Variants in DNAH3 observed in about 807,000 individuals in gnomAD.
DNAH3 encodes dynein axonemal heavy chain 3, also known as axonemal beta dynein heavy chain 3.
A neutral mutation model predicts 432.5 loss-of-function variants in DNAH3; 332 were observed. The observed-to-expected ratio is 0.77, with a 90% CI of 0.70 to 0.84. The LOEUF is 0.84. DNAH3 is among the 40% of genes least tolerant of loss of function. DNAH3 has a pLI of 0.00. For synonymous variants in DNAH3, 1,956 were observed against 1,900.2 expected, an observed-to-expected ratio of 1.03 and a Z score of -0.76; for missense variants, 4,861 against 5,114.0, an observed-to-expected ratio of 0.95 and a Z score of 1.51.
chr16:20,972,088 T>C (rs1002953330), intron 51 of DNAH3, among the ~76,000 whole-genome samples: 2 of 152,156 alleles, frequency 1.3e-5, no homozygotes, highest in African/African-American at 2.4e-5. Context: ...CTTTGGTGAA[T>C]TGGAACACAC....
intron 41 of DNAH3, among the ~76,000 whole-genome samples, chr16:21,010,511 T>A (rs529292089): frequency 6.6e-6 from 1 of 152,280 alleles, no homozygotes; most frequent in East Asian, 1.9e-4. Context: ...TGTCAAACAA[T>A]GTGAGCCCAA....
rs758535427 is a variant in DNAH3 at position 20,941,562 on chromosome 16, G to A, written c.11512-19C>T. 3 of 1,613,454 alleles carry A rather than the reference G, an allele frequency of 1.9e-6. No individual in the cohort carries two copies. Among genetic ancestry groups the A allele is most frequent in the African/African-American group, 2.7e-5 (2 of 75,052 alleles). ...CCACTTCCTTAAAATGCAGGCAGAA[G>A]AGAGGTGAGTGAGAAGCAAGCCCTA... On this transcript the variant is annotated intron_variant, in intron 58 of 61. Transcript: ENST00000261383.
chr16:21,045,529 A>G (rs2152737998), intron 31 of DNAH3, among the ~76,000 whole-genome samples: 1 of 149,230 alleles, frequency 6.7e-6, no homozygotes, highest in South Asian at 2.2e-4. Context: ...TATCCCCTTT[A>G]TCATTTTTTA....
chr16:20,952,631 A>G, intron 55 of DNAH3, 82 bp from the exon 56 acceptor site: 1 of 858,010 alleles, frequency 1.2e-6, no homozygotes, highest in South Asian at 1.4e-5. Flanking sequence ...GGAGTTAAGC[A>G]TCATTATGGA....
At position 20,970,002 on chromosome 16, in the gene DNAH3, A is replaced by G. The variant is rs756932906; in HGVS notation, c.8260-12T>C. 1.4e-5 allele frequency: 23 copies of G among 1,613,308 alleles called. No individual in the cohort carries two copies. The highest frequency in any genetic ancestry group is 1.9e-5 in the Non-Finnish European group (23 of 1,179,968). On this transcript the variant is annotated splice_polypyrimidine_tract_variant and intron_variant, in intron 51 of 61. Transcript: ENST00000261383. Reference sequence around the variant, plus strand: ...CCCTCACATTCGTTCTGTGGGCGGCATGAGGACAAAGGAGATGAGTGCCCA... The same window carrying G: ...CCCTCACATTCGTTCTGTGGGCGGCGTGAGGACAAAGGAGATGAGTGCCCA...
At chr16:21,136,173 G>T in intron 6 of DNAH3, 151 bp downstream of exon 7, 1 of 690,816 alleles carries the variant, frequency 1.4e-6, no homozygotes, top group Non-Finnish European at 2.4e-6. Context: ...TAGCACTTTG[G>T]GAGGCTAAGG....
At chr16:21,016,926 C>G (rs1011085211) in intron 41 of DNAH3, among the ~76,000 whole-genome samples, 17 of 152,192 alleles carry the variant, frequency 1.1e-4, no homozygotes, top group Middle Eastern at 6.8e-3. Context: ...CTGTATGATT[C>G]CTCTTACATG....
At chr16:21,090,772 T>C (rs2091509293) in intron 18 of DNAH3, among the ~76,000 whole-genome samples, 1 of 152,124 alleles carries the variant, frequency 6.6e-6, no homozygotes, top group Non-Finnish European at 1.5e-5. Context: ...AGGAAAGATG[T>C]TGATGAAGGG....
At chr16:21,065,989 G>A (rs560175438) in intron 24 of DNAH3, among the ~76,000 whole-genome samples, 53 of 151,960 alleles carry the variant, frequency 3.5e-4, no homozygotes, top group African/African-American at 1.3e-3. Flanking sequence ...ACCACACCTG[G>A]CTAATTTTTG....
chr16:20,981,671 G>A (rs2085904068), intron 49 of DNAH3, among the ~76,000 whole-genome samples: 1 of 152,080 alleles, frequency 6.6e-6, no homozygotes, highest in Admixed American at 6.6e-5. Flanking sequence ...GTTGCTGTGA[G>A]CCGAGATCGC....
Position 20,933,947 on chromosome 16 carries a change from T to C in DNAH3, c.11998-440A>G, listed in dbSNP as rs74773668. On this transcript the variant is annotated intron_variant, in intron 61 of 61. Coordinates refer to ENST00000261383, the Ensembl canonical transcript of DNAH3. ...GTATAAAGACTTCCACCATGGTCAA[T>C]TTCAGCCTACCAACTATTTAACAAC... Among the ~76,000 whole-genome samples the C allele has an allele frequency of 4.8e-3, 730 of 152,310 alleles. 5 individuals carry two copies. Among genetic ancestry groups the C allele is most frequent in the Non-Finnish European group, 5.9e-3 (401 of 68,016 alleles).
At chr16:21,120,891 T>C (rs1431365257) in intron 10 of DNAH3, 1 of 1,467,500 alleles carries the variant, frequency 6.8e-7, no homozygotes, top group Non-Finnish European at 9.5e-7. Context: ...TACAGGGTCT[T>C]TTCTTCCATT....
chr16:21,158,442 C>G (rs2092914468), intron 1 of DNAH3: 1 of 152,426 alleles, frequency 6.6e-6, no homozygotes, highest in African/African-American at 2.4e-5. Flanking sequence ...ACTCTCTGAG[C>G]CTCAGTTTCC....
At position 21,027,250 on chromosome 16, in the gene DNAH3, G is replaced by A. The variant is rs1274054939; in HGVS notation, c.5440-123C>T. The A allele has an allele frequency of 4.2e-6, 3 of 706,462 alleles. No individual in the cohort carries two copies. The African/African-American group carries it at 5.2e-5, about 12-fold the overall frequency. 43.8% of individuals were successfully genotyped at this position (706,462 alleles called of 1,614,324 possible). ...CCATAAATATTTCTTGAGCACTTAT[G>A]ATGTCCCAGGCACTGTTATGCACTA... On this transcript the variant is annotated intron_variant, in intron 37 of 61. Coordinates refer to ENST00000261383, the Ensembl canonical transcript of DNAH3.
intron 20 of DNAH3, among the ~76,000 whole-genome samples, chr16:21,081,258 TA>T (rs1752801170): frequency 6.6e-6 from 1 of 151,960 alleles, no homozygotes; most frequent in Non-Finnish European, 1.5e-5. Context: ...CACACAATCT[TA>T]AAGCTCAGAG....
At chr16:21,131,137 G>A (rs1177016715) in intron 7 of DNAH3, among the ~76,000 whole-genome samples, 3 of 152,008 alleles carry the variant, frequency 2.0e-5, no homozygotes, top group African/African-American at 7.2e-5. Context: ...AGGAGTTCAA[G>A]CCCAGCCTAA....
chr16:21,040,036 C>T, intron 32 of DNAH3, 93 bp from the exon 33 acceptor site: 1 of 1,020,214 alleles, frequency 9.8e-7, no homozygotes, highest in Middle Eastern at 2.1e-4. Context: ...AGCTTTGCTT[C>T]ATTCAGGCCA....
intron 1 of DNAH3, among the ~76,000 whole-genome samples, chr16:21,155,006 G>C (rs936150355): frequency 4.0e-5 from 6 of 149,084 alleles, no homozygotes; most frequent in African/African-American, 1.5e-4. Context: ...CTGGAGTGCA[G>C]TGGTATGATC....
chr16:21,024,765 A>G (rs1211364857), intron 38 of DNAH3, 64 bp from the exon 39 acceptor site: 18 of 1,264,462 alleles, frequency 1.4e-5, no homozygotes, highest in African/African-American at 2.9e-5. Flanking sequence ...GTTAACATTT[A>G]TTGAGCAATC....
Sources: allele counts gnomAD v4.1 joint callset (sites outside exome capture counted in the v4.1 genomes callset), GRCh38; gene constraint gnomAD v4.1.1; transcripts MANE v1.5; gene names NCBI Gene and HGNC (gene_info 2026-07-23, HGNC 2026-07-21).